DGCR2: variants seen among roughly 807,000 people sequenced by gnomAD.
DGCR2 encodes DiGeorge syndrome critical region gene 2.
Under a neutral mutation model 51.6 loss-of-function variants are expected in DGCR2, and 24 were observed. The observed-to-expected ratio is 0.47, with a 90% CI of 0.34 to 0.65. The LOEUF (loss-of-function observed/expected upper bound fraction) is 0.65. DGCR2 is among the 30% of genes least tolerant of loss of function. The probability of loss-of-function intolerance (pLI) is 0.01; values close to 1 mark genes in which losing one functional copy is unlikely to be tolerated. For missense variants in DGCR2, 765 were observed against 772.1 expected, an observed-to-expected ratio of 0.99 and a Z score of 0.11; for synonymous variants, 340 against 315.4, an observed-to-expected ratio of 1.08 and a Z score of -0.82.
intron 6 of DGCR2, among the ~76,000 whole-genome samples, chr22:19,052,770 C>T (rs576785741): frequency 1.0e-4 from 15 of 150,526 alleles, no homozygotes; most frequent in Non-Finnish European, 1.5e-4. Flanking sequence ...GAGACCTTGT[C>T]GCCAAAAAGA....
intron 1 of DGCR2, among the ~76,000 whole-genome samples, chr22:19,107,803 C>T (rs564974230): frequency 2.0e-5 from 3 of 152,290 alleles, no homozygotes; most frequent in Admixed American, 6.5e-5. Context: ...AGAACTGGAG[C>T]GAGAGCTATC....
chr22:19,095,126 G>T (rs1292650804), intron 1 of DGCR2, among the ~76,000 whole-genome samples: 2 of 151,848 alleles, frequency 1.3e-5, no homozygotes, highest in Non-Finnish European at 2.9e-5. Flanking sequence ...ACTTTGGGAG[G>T]CTGAGGTGAA....
At chr22:19,100,344 C>T (rs1247952328) in intron 1 of DGCR2, among the ~76,000 whole-genome samples, 1 of 152,224 alleles carries the variant, frequency 6.6e-6, no homozygotes, top group East Asian at 1.9e-4. Context: ...CTGGTGATGA[C>T]TGTCACCTTG....
intron 1 of DGCR2, among the ~76,000 whole-genome samples, chr22:19,110,285 C>T (rs2083300530): frequency 6.6e-6 from 1 of 152,174 alleles, no homozygotes; most frequent in Non-Finnish European, 1.5e-5. Context: ...GATAAGACAG[C>T]ATCAGCTAAG....
chr22:19,108,874 T>G (rs1405801205), intron 1 of DGCR2, among the ~76,000 whole-genome samples: 1 of 143,342 alleles, frequency 7.0e-6, no homozygotes, highest in Non-Finnish European at 1.5e-5. Context: ...AAAAAAAAAA[T>G]CAAAAAATTA....
At chr22:19,097,323 A>G (rs964224556) in intron 1 of DGCR2, among the ~76,000 whole-genome samples, 7 of 152,172 alleles carry the variant, frequency 4.6e-5, no homozygotes, top group African/African-American at 1.7e-4. Context: ...TGGGAAGCCG[A>G]GGCGGGTGGA....
intron 7 of DGCR2, among the ~76,000 whole-genome samples, chr22:19,042,179 G>C (rs1048328983): frequency 6.6e-6 from 1 of 152,222 alleles, no homozygotes; most frequent in East Asian, 1.9e-4. Context: ...GTCAGGAGGA[G>C]CATCTCACCA....
At chr22:19,041,448 C>G in intron 8 of DGCR2, 154 bp from the exon 9 acceptor site, 2 of 710,162 alleles carry the variant, frequency 2.8e-6, no homozygotes, top group Non-Finnish European at 4.7e-6. Context: ...TCGGCATCCC[C>G]ATGAGACCCC....
intron 1 of DGCR2, among the ~76,000 whole-genome samples, chr22:19,112,046 G>C (rs1489231426): frequency 7.2e-5 from 11 of 152,116 alleles, no homozygotes; most frequent in African/African-American, 2.6e-4. Context: ...ATGCAGGCGG[G>C]TGGATCACCT....
intron 1 of DGCR2, among the ~76,000 whole-genome samples, chr22:19,097,103 C>T (rs985282581): frequency 3.9e-5 from 6 of 152,060 alleles, no homozygotes; most frequent in Non-Finnish European, 5.9e-5. Context: ...CCTCCAAAAG[C>T]AAACGTCAGC....
intron 2 of DGCR2, among the ~76,000 whole-genome samples, chr22:19,085,471 G>GTT (rs2083004595): frequency 6.6e-6 from 1 of 152,178 alleles, no homozygotes; most frequent in Non-Finnish European, 1.5e-5. Context: ...AGGAAGAAAG[G>GTT]TTCCACCTCC....
intron 3 of DGCR2, among the ~76,000 whole-genome samples, chr22:19,067,359 G>T (rs1460298612): frequency 6.6e-6 from 1 of 152,060 alleles, no homozygotes; most frequent in Non-Finnish European, 1.5e-5. Context: ...AAATTTCAAT[G>T]TCATAGGTAA....
chr22:19,065,028 T>C lies in DGCR2; in HGVS notation c.368A>G (p.Glu123Gly), dbSNP rs2082732443. ...GKCPTGWHHY[E>G]GTASCYRVYL... ...GACCCGGTAGCAGCTGGCCGTGCCT[T>C]CGTAGTGGTGCCACCCTGTCGGGCA... Residue 123 changes from glutamate (E) to glycine (G), a missense_variant, in exon 4 of 10, where the codon GAA becomes GGA. This residue lies in a region of DGCR2 where 370 missense variants were observed against 325.5 expected (regional missense o/e 1.14). Transcript: ENST00000263196. 1.9e-6 allele frequency: 3 copies of C among 1,613,908 alleles called. No homozygotes were observed. Among genetic ancestry groups the C allele is most frequent in the Non-Finnish European group, 2.5e-6 (3 of 1,180,040 alleles).
chr22:19,119,469 C>A (rs2083407949), intron 1 of DGCR2, among the ~76,000 whole-genome samples: 1 of 152,180 alleles, frequency 6.6e-6, no homozygotes, highest in Non-Finnish European at 1.5e-5. Context: ...GGCATGGTAC[C>A]TCAGGCCTGT....
intron 5 of DGCR2, among the ~76,000 whole-genome samples, chr22:19,062,308 C>T (rs2082672617): frequency 6.6e-6 from 1 of 152,130 alleles, no homozygotes; most frequent in African/African-American, 2.4e-5. Context: ...CTCTGCAGCC[C>T]CCACCTCTGC....
chr22:19,065,071 A>G lies in DGCR2; in HGVS notation c.329-4T>C. 6.2e-7 allele frequency: 1 copy of G among 1,613,242 alleles called. No homozygotes were observed. Among genetic ancestry groups the G allele is most frequent in the South Asian group, 1.1e-5 (1 of 91,012 alleles). On this transcript the variant is annotated splice_region_variant and splice_polypyrimidine_tract_variant and intron_variant, in intron 3 of 9. Coordinates refer to ENST00000263196, the MANE Select transcript of DGCR2 (RefSeq NM_005137.3). Reference sequence around the variant, plus strand: ...GTCGGGCACTTCCCTAGGAAACATAAAGGACAGAAGGGGAGTTGTCCCCCA... The same window carrying G: ...GTCGGGCACTTCCCTAGGAAACATAGAGGACAGAAGGGGAGTTGTCCCCCA...
At chr22:19,052,561 C>T (rs1414219027) in intron 6 of DGCR2, among the ~76,000 whole-genome samples, 1 of 151,810 alleles carries the variant, frequency 6.6e-6, no homozygotes, top group African/African-American at 2.4e-5. Flanking sequence ...ACACTTGAGG[C>T]CTATAGTTTG....
intron 6 of DGCR2, among the ~76,000 whole-genome samples, chr22:19,055,388 C>T (rs574852684): frequency 1.3e-5 from 2 of 152,158 alleles, no homozygotes; most frequent in South Asian, 2.1e-4. Flanking sequence ...ATTCTAAAAT[C>T]CTATAGAAGG....
At position 19,063,221 on chromosome 22, in the gene DGCR2, G is replaced by T. The variant is rs751394776; in HGVS notation, c.606C>A (p.Arg202=). Residue 202 remains arginine (R), a synonymous_variant, in exon 5 of 10, where the codon CGC becomes CGA. Transcript: ENST00000263196. Reference sequence around the variant, plus strand: ...GCTCACCTTTGAATGCCACCTCCCAGCGACCTTCCAAGGAGCGGTTCCGGC... The same window carrying T: ...GCTCACCTTTGAATGCCACCTCCCATCGACCTTCCAAGGAGCGGTTCCGGC... ...ITGRNRSLEG[R]WEVAFKGSSE... is the part of the protein sequence containing the mutation. The T allele has an allele frequency of 6.2e-6, 10 of 1,614,200 alleles. No homozygotes were observed. The Middle Eastern group carries it at 8.2e-4, about 133-fold the overall frequency.
Sources: gnomAD v4.1 joint callset for allele counts (sites outside exome capture counted in the v4.1 genomes callset) on GRCh38, gnomAD v4.1.1 for gene constraint, gnomAD v4.1.1 regional missense constraint, MANE v1.5 for transcripts, NCBI Gene and HGNC (gene_info 2026-07-23, HGNC 2026-07-21) for gene names.